The following GABRA3 variants were observed in gnomAD, a reference collection of about 807,000 sequenced individuals.
GABRA3 encodes the protein gamma-aminobutyric acid receptor subunit alpha-3.
GABRA3 carries 10 observed loss-of-function variants against 30.1 expected under a neutral mutation model. That is an observed-to-expected ratio of 0.33 (90% CI 0.20 to 0.56). The LOEUF is 0.56. Among genes scored for constraint, GABRA3 ranks in the 20% least tolerant of loss-of-function variants. The pLI, the probability that GABRA3 is intolerant of heterozygous loss-of-function variation, is 0.89. For synonymous variants in GABRA3, 151 were observed against 146.8 expected (o/e 1.03, Z -0.21); for missense variants, 233 against 392.0 (o/e 0.59, Z 3.42).
chrX:152,201,021 A>G lies in GABRA3; in HGVS notation c.779-3236T>C, dbSNP rs188797849. Among the ~76,000 whole-genome samples the G allele has an allele frequency of 2.8e-4, 31 of 112,501 alleles. No homozygotes were observed. In the Admixed American group the frequency reaches 2.8e-3, roughly 10 times the overall value. On this transcript the variant is annotated intron_variant, in intron 7 of 9. Coordinates refer to ENST00000370314, the MANE Select transcript of GABRA3 (RefSeq NM_000808.4). Reference sequence around the variant, plus strand: ...CTTGTATTGGAGGCTATCCGGGTCCAGTGTGAAATTGTCAAAGGGACAATG... The same window carrying G: ...CTTGTATTGGAGGCTATCCGGGTCCGGTGTGAAATTGTCAAAGGGACAATG...
At chrX:152,301,189 T>C (rs1939624352) in intron 3 of GABRA3, among the ~76,000 whole-genome samples, 2 of 112,037 alleles carry the variant, frequency 1.8e-5, no homozygotes, top group South Asian at 7.4e-4. Flanking sequence ...TCACAGAGGA[T>C]ATATGATGGT....
At chrX:152,290,709 T>C (rs1569384877) in intron 3 of GABRA3, among the ~76,000 whole-genome samples, 1 of 112,160 alleles carries the variant, frequency 8.9e-6, no homozygotes, top group East Asian at 2.8e-4. Context: ...AAAGGAGGGA[T>C]CCAATTTCAA....
chrX:152,237,098 A>G (rs1938235728), intron 5 of GABRA3, among the ~76,000 whole-genome samples: 1 of 110,569 alleles, frequency 9.0e-6, no homozygotes, highest in African/African-American at 3.3e-5. Context: ...GGTATTGCCT[A>G]GGTTTTCTTC....
chrX:152,237,509 G>C (rs1240032570), intron 5 of GABRA3, among the ~76,000 whole-genome samples: 1 of 101,557 alleles, frequency 9.8e-6, no homozygotes, highest in African/African-American at 3.7e-5. Flanking sequence ...GAACTTTAAA[G>C]TAGTTTTTTC....
chrX:152,278,200 C>T (rs1353830540), intron 4 of GABRA3, among the ~76,000 whole-genome samples: 1 of 110,378 alleles, frequency 9.1e-6, no homozygotes, highest in Non-Finnish European at 1.9e-5. Flanking sequence ...TGTTGGTGTG[C>T]TGCAACCACT....
chrX:152,278,938 C>T (rs1216288316), intron 4 of GABRA3, among the ~76,000 whole-genome samples: 35 of 111,715 alleles, frequency 3.1e-4, no homozygotes, highest in Non-Finnish European at 1.5e-4. Context: ...ATATCCTTCG[C>T]CCACTTGTTG....
At chrX:152,210,208 T>C (rs1024427558) in intron 6 of GABRA3, among the ~76,000 whole-genome samples, 13 of 112,153 alleles carry the variant, frequency 1.2e-4, no homozygotes, top group African/African-American at 3.9e-4. Context: ...TTTTGATATA[T>C]GAAGTTTTGT....
At chrX:152,274,859 CAA>C (rs1939014661) in intron 4 of GABRA3, among the ~76,000 whole-genome samples, 1 of 106,156 alleles carries the variant, frequency 9.4e-6, no homozygotes. Context: ...ATGAACAAAA[CAA>C]AAAAAGGTTA....
chrX:152,409,208 A>C (rs1036636742), intron 1 of GABRA3, among the ~76,000 whole-genome samples: 1 of 110,646 alleles, frequency 9.0e-6, no homozygotes, highest in African/African-American at 3.3e-5. Context: ...ATTTTTAAAA[A>C]ATTATCCAGG....
intron 1 of GABRA3, among the ~76,000 whole-genome samples, chrX:152,414,286 T>C (rs1445274889): frequency 9.0e-6 from 1 of 111,413 alleles, no homozygotes; most frequent in African/African-American, 3.3e-5. Flanking sequence ...GAATACTACT[T>C]AGTAATGAAA....
At chrX:152,273,091 A>G (rs1180111471) in intron 4 of GABRA3, among the ~76,000 whole-genome samples, 2 of 112,217 alleles carry the variant, frequency 1.8e-5, no homozygotes, top group African/African-American at 6.5e-5. Context: ...AATAGAAAAT[A>G]TAAATAAATA....
chrX:152,370,351 TG>T (rs202173257), intron 1 of GABRA3, among the ~76,000 whole-genome samples: 2,260 of 111,941 alleles, frequency 0.02, 33 homozygotes, highest in South Asian at 0.064. Flanking sequence ...TCATTCCACA[TG>T]TTGTTACCCA....
intron 3 of GABRA3, among the ~76,000 whole-genome samples, chrX:152,313,116 T>C (rs1209269186): frequency 9.0e-6 from 1 of 111,543 alleles, no homozygotes; most frequent in African/African-American, 3.3e-5. Context: ...TATAAAAATA[T>C]CCATACATTA....
At chrX:152,286,987 T>TTCTCCCTTCAGACACA (rs1319103842) in intron 3 of GABRA3, among the ~76,000 whole-genome samples, 1 of 111,421 alleles carries the variant, frequency 9.0e-6, no homozygotes, top group Admixed American at 9.6e-5. Context: ...CCCTTAAGGT[T>TTCTCCCTTCAGACACA]TCTCCCTTCA....
chrX:152,448,702 A>G (rs1931146081), intron 1 of GABRA3, among the ~76,000 whole-genome samples: 2 of 111,674 alleles, frequency 1.8e-5, no homozygotes, highest in African/African-American at 6.5e-5. Flanking sequence ...TTGAACTACC[A>G]CTATTTCAAA....
At chrX:152,400,244 A>G (rs780923220) in intron 1 of GABRA3, among the ~76,000 whole-genome samples, 2 of 111,270 alleles carry the variant, frequency 1.8e-5, no homozygotes, top group African/African-American at 6.5e-5. Context: ...GTGCTTCGGG[A>G]GACTGAGGTA....
chrX:152,207,668 C>T (rs891160018), intron 7 of GABRA3, among the ~76,000 whole-genome samples: 1 of 111,791 alleles, frequency 8.9e-6, no homozygotes, highest in Non-Finnish European at 1.9e-5. Flanking sequence ...AAGCTCAGCT[C>T]TTCCCCCACC....
At chrX:152,422,640 G>A (rs759597704) in intron 1 of GABRA3, among the ~76,000 whole-genome samples, 7 of 111,212 alleles carry the variant, frequency 6.3e-5, no homozygotes, top group East Asian at 2.8e-4. Flanking sequence ...TGGAGAGAGC[G>A]AAATATTTTA....
intron 1 of GABRA3, among the ~76,000 whole-genome samples, chrX:152,396,712 G>A (rs1929671572): frequency 1.8e-5 from 2 of 112,183 alleles, no homozygotes; most frequent in South Asian, 7.4e-4. Context: ...TTCATGAGTT[G>A]GAAATCACAA....
Sources: gnomAD v4.1 joint callset for allele counts (sites outside exome capture counted in the v4.1 genomes callset) on GRCh38, gnomAD v4.1.1 for gene constraint, MANE v1.5 for transcripts, NCBI Gene and HGNC (gene_info 2026-07-23, HGNC 2026-07-21) for gene names.